The following GRID1 variants were observed in gnomAD, a reference collection of about 807,000 sequenced individuals.
The protein encoded by GRID1 is glutamate ionotropic receptor delta type subunit 1, also known as glutamate receptor ionotropic, delta-1.
GRID1 carries 28 observed loss-of-function variants against 98.0 expected under a neutral mutation model. The ratio of observed to expected loss-of-function variants is 0.29; its 90% CI spans 0.21 to 0.39. GRID1 has a LOEUF of 0.39. Among genes scored for constraint, GRID1 ranks in the 10% least tolerant of loss-of-function variants. GRID1 has a pLI of 1.00. For missense variants in GRID1, 1,111 were observed against 1,340.5 expected (o/e 0.83, Z 2.67); for synonymous variants, 553 against 538.5 (o/e 1.03, Z -0.37).
intron 2 of GRID1, among the ~76,000 whole-genome samples, chr10:86,304,821 C>T (rs1056310953): frequency 1.3e-5 from 2 of 152,310 alleles, no homozygotes; most frequent in Non-Finnish European, 2.9e-5. Flanking sequence ...CAAAGCCACA[C>T]GCTTTCCATG....
chr10:85,653,212 G>A (rs1383932838), intron 12 of GRID1, among the ~76,000 whole-genome samples: 1 of 152,222 alleles, frequency 6.6e-6, no homozygotes, highest in African/African-American at 2.4e-5. Context: ...GGCATCGTCA[G>A]CTGACCCCTG....
At position 85,602,283 on chromosome 10, in the gene GRID1, G is replaced by C; in HGVS notation, c.3020C>G (p.Thr1007Ser). The change falls in exon 16 of 16, where the codon ACC becomes AGC. Residue 1007 changes from threonine (T) to serine (S), a missense_variant. This residue lies in a region of GRID1 where 762 missense variants were observed against 869.1 expected (regional missense o/e 0.88). Transcript: ENST00000327946. ...GGGCAGGCGGCGCAGTCAGATGGAG[G>C]TCCCGTGGGAGGTGTCCAGAGCCTC... The part of the protein sequence containing the change: ...LPEALDTSHG[T>S]SI The C allele has an allele frequency of 2.0e-6, 3 of 1,512,594 alleles. No homozygotes were observed. In the South Asian group the frequency reaches 4.0e-5, roughly 20 times the overall value. The allele number at this position is 1,512,594 out of a possible 1,614,324, so 93.7% of individuals were successfully genotyped here. A position where few individuals can be genotyped will look rare whatever the true frequency, so the allele number is the denominator to read the frequency against.
chr10:86,195,200 G>A lies in GRID1; in HGVS notation c.520+11164C>T, dbSNP rs879269090. On this transcript the variant is annotated intron_variant, in intron 3 of 15. Coordinates refer to ENST00000327946, the MANE Select transcript of GRID1 (RefSeq NM_017551.3). The surrounding 1 kb of genome is among the most constrained non-coding windows in gnomAD (Gnocchi z 4.4). ...GAGAGGGCCACACTGCACAGTCAGCGACTGTGCTTGACTGAGAAACAGCCA... is the reference window on the plus strand; with the variant it reads ...GAGAGGGCCACACTGCACAGTCAGCAACTGTGCTTGACTGAGAAACAGCCA... 1.3e-5 allele frequency among the ~76,000 whole-genome samples: 2 copies of A among 152,054 alleles called. No homozygotes were observed. Among genetic ancestry groups the A allele is most frequent in the Non-Finnish European group, 2.9e-5 (2 of 67,964 alleles).
chr10:85,669,907 C>T (rs187830913), intron 12 of GRID1, among the ~76,000 whole-genome samples: 1 of 152,314 alleles, frequency 6.6e-6, no homozygotes, highest in East Asian at 1.9e-4. Flanking sequence ...CTTGATTCTG[C>T]TTTTCATGCA....
chr10:85,832,507 C>T (rs2131762990), intron 8 of GRID1, among the ~76,000 whole-genome samples: 1 of 152,242 alleles, frequency 6.6e-6, no homozygotes, highest in South Asian at 2.1e-4. Flanking sequence ...AAAAATGGCT[C>T]AACTTCCAAA....
intron 8 of GRID1, among the ~76,000 whole-genome samples, chr10:85,784,245 T>C (rs1267458188): frequency 6.6e-6 from 1 of 152,220 alleles, no homozygotes; most frequent in Non-Finnish European, 1.5e-5. Context: ...TAAAGAACTT[T>C]TACTTTCAAT....
intron 4 of GRID1, among the ~76,000 whole-genome samples, chr10:85,953,130 A>T (rs1029450548): frequency 2.6e-5 from 4 of 152,070 alleles, no homozygotes; most frequent in Non-Finnish European, 4.4e-5. Context: ...GGGAAGTCAA[A>T]AGTTATATGT....
At chr10:85,828,469 TG>T (rs760182782) in intron 8 of GRID1, among the ~76,000 whole-genome samples, 3 of 150,988 alleles carry the variant, frequency 2.0e-5, no homozygotes, top group Non-Finnish European at 4.4e-5. Flanking sequence ...GAAACCGAGA[TG>T]TGAAAAACCA....
At chr10:86,157,410 A>C (rs1267154180) in intron 3 of GRID1, among the ~76,000 whole-genome samples, 1 of 152,150 alleles carries the variant, frequency 6.6e-6, no homozygotes, top group Non-Finnish European at 1.5e-5. Flanking sequence ...CATTTCCAGT[A>C]AGCAGGGTGG....
intron 12 of GRID1, among the ~76,000 whole-genome samples, chr10:85,682,214 T>TA (rs1841218449): frequency 6.6e-6 from 1 of 152,182 alleles, no homozygotes; most frequent in South Asian, 2.1e-4. Context: ...AGCTGTCATA[T>TA]AACAGTGAGA....
intron 3 of GRID1, among the ~76,000 whole-genome samples, chr10:86,191,786 G>T (rs1319279573): frequency 6.6e-6 from 1 of 152,170 alleles, no homozygotes; most frequent in South Asian, 2.1e-4. Flanking sequence ...TGTTAGTCTG[G>T]GCTGCTTCCA....
chr10:85,971,318 T>C (rs1200296539), intron 4 of GRID1, among the ~76,000 whole-genome samples: 2 of 152,022 alleles, frequency 1.3e-5, no homozygotes, highest in Non-Finnish European at 2.9e-5. Flanking sequence ...GCAGTAACCA[T>C]TTAAAAATAA....
At chr10:86,004,857 G>T (rs188913342) in intron 4 of GRID1, among the ~76,000 whole-genome samples, 38 of 152,168 alleles carry the variant, frequency 2.5e-4, no homozygotes, top group African/African-American at 6.5e-4. Flanking sequence ...TGACCTCATT[G>T]CACTGTTCCT....
At chr10:86,004,376 A>C (rs1383410309) in intron 4 of GRID1, among the ~76,000 whole-genome samples, 1 of 152,174 alleles carries the variant, frequency 6.6e-6, no homozygotes, top group Non-Finnish European at 1.5e-5. Context: ...TTTTATGTAA[A>C]CTTAGATGGG....
At chr10:85,763,126 G>C (rs1842162060) in intron 8 of GRID1, among the ~76,000 whole-genome samples, 1 of 152,150 alleles carries the variant, frequency 6.6e-6, no homozygotes, top group South Asian at 2.1e-4. Context: ...AATGGGCATG[G>C]AGGACTAGAG....
chr10:85,951,670 T>G (rs1257965042), intron 4 of GRID1, among the ~76,000 whole-genome samples: 1 of 152,206 alleles, frequency 6.6e-6, no homozygotes, highest in Non-Finnish European at 1.5e-5. Context: ...CTAAGGCAAT[T>G]TATGTACACA....
intron 2 of GRID1, among the ~76,000 whole-genome samples, chr10:86,248,171 A>T (rs1449645927): frequency 2.0e-5 from 3 of 152,234 alleles, no homozygotes; most frequent in Non-Finnish European, 2.9e-5. Flanking sequence ...GACGGTGCAG[A>T]CACAGTGGCT....
At chr10:86,131,280 G>C (rs1384693482) in intron 4 of GRID1, among the ~76,000 whole-genome samples, 1 of 151,988 alleles carries the variant, frequency 6.6e-6, no homozygotes, top group Non-Finnish European at 1.5e-5. Context: ...CAGAGGCGAG[G>C]CCCCCCCAAG....
intron 4 of GRID1, among the ~76,000 whole-genome samples, chr10:86,123,592 G>T (rs1383362042): frequency 6.6e-6 from 1 of 152,232 alleles, no homozygotes; most frequent in African/African-American, 2.4e-5. Flanking sequence ...ACTGGGCTTG[G>T]TAGCAGCCCT....
Sources: gnomAD v4.1 joint callset for allele counts (sites outside exome capture counted in the v4.1 genomes callset) on GRCh38, gnomAD v4.1.1 for gene constraint, gnomAD v4.1.1 regional missense constraint, Gnocchi (gnomAD v3.1) non-coding constraint, MANE v1.5 for transcripts, NCBI Gene and HGNC (gene_info 2026-07-23, HGNC 2026-07-21) for gene names.